Variants in ALK observed in about 807,000 individuals in gnomAD.
ALK encodes ALK receptor tyrosine kinase.
A neutral mutation model predicts 163.1 loss-of-function variants in ALK; 74 were observed. The ratio of observed to expected loss-of-function variants is 0.45; its 90% CI spans 0.38 to 0.55. ALK has a LOEUF of 0.55. Among genes scored for constraint, ALK ranks in the 20% least tolerant of loss-of-function variants. The pLI, the probability that ALK is intolerant of heterozygous loss-of-function variation, is 0.00. For missense variants in ALK, 2,063 were observed against 2,105.3 expected, an observed-to-expected ratio of 0.98 and a Z score of 0.39; for synonymous variants, 960 against 843.2, an observed-to-expected ratio of 1.14 and a Z score of -2.40.
intron 3 of ALK, among the ~76,000 whole-genome samples, chr2:29,534,288 G>C (rs1165020845): frequency 6.6e-6 from 1 of 152,226 alleles, no homozygotes. Flanking sequence ...ACAAGGGCAA[G>C]AATGTGACTA....
intron 26 of ALK, among the ~76,000 whole-genome samples, chr2:29,199,824 G>T (rs1168486994): frequency 6.6e-6 from 1 of 152,082 alleles, no homozygotes; most frequent in Non-Finnish European, 1.5e-5. Flanking sequence ...TTTTGACAAA[G>T]ACTATCTTTT....
chr2:29,220,769 G>A lies in ALK; in HGVS notation c.3582C>T (p.Ile1194=), dbSNP rs1573120317. 3 of 1,614,034 alleles carry A rather than the reference G, an allele frequency of 1.9e-6. No individual in the cohort carries two copies. Among genetic ancestry groups the A allele is most frequent in the Non-Finnish European group, 2.5e-6 (3 of 1,179,920 alleles). Residue 1194 remains isoleucine (I), a synonymous_variant, in exon 23 of 29, where the codon ATC becomes ATT. Coordinates refer to ENST00000389048, the MANE Select transcript of ALK (RefSeq NM_004304.5). ...CTCCCCCCGCCATGAGCTCCAGCAG[G>A]ATGAACCGGGGCAGGGATTGCAGGC... ...GVSLQSLPRF[I]LLELMAGGDL...
intron 5 of ALK, among the ~76,000 whole-genome samples, chr2:29,371,729 G>A (rs979476557): frequency 6.6e-6 from 1 of 152,192 alleles, no homozygotes; most frequent in African/African-American, 2.4e-5. Flanking sequence ...CCCCCTGCTA[G>A]TCTCTGGTGT....
chr2:29,873,470 C>G (rs1422981755), intron 1 of ALK, among the ~76,000 whole-genome samples: 1 of 152,074 alleles, frequency 6.6e-6, no homozygotes, highest in Non-Finnish European at 1.5e-5. Flanking sequence ...AATGGGAAAC[C>G]TGGAATGGTG....
At position 29,291,870 on chromosome 2, in the gene ALK, A is replaced by T. The variant is rs182413130; in HGVS notation, c.1817+5018T>A. 2.6e-5 allele frequency among the ~76,000 whole-genome samples: 4 copies of T among 152,380 alleles called. No individual in the cohort carries two copies. In the East Asian group the frequency reaches 5.8e-4, roughly 22 times the overall value. ...CGCTCTTCAATGCCTTTCTCATCACAGAAAGATGCTACACAAAGGGAGAGT... is the reference window on the plus strand; with the variant it reads ...CGCTCTTCAATGCCTTTCTCATCACTGAAAGATGCTACACAAAGGGAGAGT... On this transcript the variant is annotated intron_variant, in intron 9 of 28. Coordinates refer to ENST00000389048, the MANE Select transcript of ALK (RefSeq NM_004304.5).
At chr2:29,712,628 T>G (rs201649013) in intron 2 of ALK, among the ~76,000 whole-genome samples, 2 of 151,802 alleles carry the variant, frequency 1.3e-5, no homozygotes, top group South Asian at 2.1e-4. Flanking sequence ...TTTTTTTTTT[T>G]TGAGAGAGAG....
intron 3 of ALK, among the ~76,000 whole-genome samples, chr2:29,648,587 A>G (rs1676951667): frequency 6.6e-6 from 1 of 152,074 alleles, no homozygotes; most frequent in Admixed American, 6.5e-5. Context: ...GGTACCTCAT[A>G]TAAGTGGAAT....
At position 29,920,313 on chromosome 2, in the gene ALK, G is replaced by A. The variant is rs1572503383; in HGVS notation, c.347C>T (p.Ala116Val). The A allele has an allele frequency of 1.9e-6, 3 of 1,558,322 alleles. No individual in the cohort carries two copies. Among genetic ancestry groups the A allele is most frequent in the East Asian group, 2.4e-5 (1 of 41,684 alleles). Residue 116 changes from alanine (A) to valine (V), a missense_variant, in exon 1 of 29, where the codon GCC becomes GTC. Physicochemically the swap from Ala to Val is moderately conservative, Grantham distance 64. Around this residue, in one of 5 missense-constraint regions of ALK, gnomAD observed 987 missense variants for 939.5 expected, o/e 1.05. Coordinates refer to ENST00000389048, the MANE Select transcript of ALK (RefSeq NM_004304.5). ...PGVSWTAGSP[A>V]PAEARTLSRV... The stretch of plus-strand genomic sequence containing the variant: ...GGACAGCGTCCGGGCCTCTGCCGGG[G>A]CTGGTGAACCGGCGGTCCAGGAGAC...
rs573336110 is a variant in ALK, at chr2:29,429,497, G to T, written c.1155-45638C>A. Among the ~76,000 whole-genome samples the T allele has an allele frequency of 1.4e-4, 21 of 151,910 alleles. No homozygotes were observed. In the South Asian group the frequency reaches 4.2e-3, roughly 30 times the overall value. On this transcript the variant is annotated intron_variant, in intron 4 of 28. Transcript: ENST00000389048. ...ATTCTTTTTAGAATAGTAGCATAAAGAATAAAATGGAAATAAATTTTACAA... is the reference window on the plus strand; with the variant it reads ...ATTCTTTTTAGAATAGTAGCATAAATAATAAAATGGAAATAAATTTTACAA...
At chr2:29,337,314 G>C (rs546413231) in intron 5 of ALK, among the ~76,000 whole-genome samples, 1 of 152,184 alleles carries the variant, frequency 6.6e-6, no homozygotes, top group Non-Finnish European at 1.5e-5. Flanking sequence ...GATGGCTGCT[G>C]GTGGGCTGGG....
rs1053935665 is a variant in ALK at position 29,627,194 on chromosome 2, C to T, written c.952+67656G>A. Among the ~76,000 whole-genome samples, 12 of 152,312 alleles carry T rather than the reference C, an allele frequency of 7.9e-5. No homozygotes were observed. In the East Asian group the frequency reaches 9.7e-4, roughly 12 times the overall value. The stretch of plus-strand genomic sequence containing the variant: ...GACAGCCGCATTTTCTAGACCACCA[C>T]GGTTCTGTTTTGTAAAAGATTTCTC... On this transcript the variant is annotated intron_variant, in intron 3 of 28. Transcript: ENST00000389048.
Position 29,193,614 on chromosome 2 carries a change from C to T in ALK, c.4473G>A (p.Lys1491=), listed in dbSNP as rs148987382. Residue 1491 remains lysine, a synonymous_variant, in exon 29 of 29, where the codon AAG becomes AAA. Transcript: ENST00000389048. ...SQSNPPSELH[K]VHGSRNKPTS... ...TGGGCTTGTTTCTGGATCCGTGGAC[C>T]TTGTGCAACTCCGAAGGAGGGTTGG... 224 of 1,614,116 alleles carry T rather than the reference C, an allele frequency of 1.4e-4. No homozygotes were observed. In the South Asian group the frequency reaches 1.9e-3, roughly 13 times the overall value.
chr2:29,468,293 C>T (rs550946808), intron 4 of ALK, among the ~76,000 whole-genome samples: 291 of 152,264 alleles, frequency 1.9e-3, no homozygotes, highest in African/African-American at 6.4e-3. Flanking sequence ...TCCCAAAGTG[C>T]TGGGATTACA....
chr2:29,483,451 G>A (rs951488182), intron 4 of ALK, among the ~76,000 whole-genome samples: 1 of 152,082 alleles, frequency 6.6e-6, no homozygotes, highest in African/African-American at 2.4e-5. Flanking sequence ...GTATCTCCTG[G>A]GAGCTTTTTA....
At chr2:29,197,177 A>T (rs1387021820) in intron 27 of ALK, among the ~76,000 whole-genome samples, 2 of 152,210 alleles carry the variant, frequency 1.3e-5, no homozygotes, top group Non-Finnish European at 2.9e-5. Context: ...GAGGGGTGCC[A>T]GGCAGGGCAG....
chr2:29,214,309 T>C (rs1038765236), intron 23 of ALK, among the ~76,000 whole-genome samples: 4 of 152,162 alleles, frequency 2.6e-5, no homozygotes, highest in African/African-American at 9.7e-5. Context: ...TTTGTACATT[T>C]GAAGTCTTCC....
intron 1 of ALK, among the ~76,000 whole-genome samples, chr2:29,816,311 G>A (rs752628488): frequency 2.0e-5 from 3 of 152,108 alleles, no homozygotes; most frequent in Non-Finnish European, 4.4e-5. Flanking sequence ...CTCTAAACCT[G>A]TTTCCTTCTC....
In ALK at chr2:29,877,457, G is replaced by A. The variant is rs146448661; in HGVS notation, c.667+42536C>T. Among the ~76,000 whole-genome samples the A allele has an allele frequency of 4.8e-3, 729 of 152,170 alleles. 8 individuals carry two copies. Among genetic ancestry groups the A allele is most frequent in the African/African-American group, 0.017 (697 of 41,520 alleles). On this transcript the variant is annotated intron_variant, in intron 1 of 28. Coordinates refer to ENST00000389048, the MANE Select transcript of ALK (RefSeq NM_004304.5). ...ACCAGCATGTATTTTTTGGCTTATT[G>A]TCTGTTCTCTCCTCTGGAATATAAA...
At chr2:29,358,514 T>G (rs1413377983) in intron 5 of ALK, among the ~76,000 whole-genome samples, 1 of 152,218 alleles carries the variant, frequency 6.6e-6, no homozygotes, top group Non-Finnish European at 1.5e-5. Context: ...GAACAAAAGT[T>G]TCCCAGCATG....
Sources: gnomAD v4.1 joint callset for allele counts (sites outside exome capture counted in the v4.1 genomes callset) on GRCh38, gnomAD v4.1.1 for gene constraint, gnomAD v4.1.1 regional missense constraint, MANE v1.5 for transcripts, NCBI Gene and HGNC (gene_info 2026-07-23, HGNC 2026-07-21) for gene names.